The following ZFHX3 variants were observed in gnomAD, a reference collection of about 807,000 sequenced individuals.
ZFHX3 encodes zinc finger homeobox 3, also known as zinc finger homeobox protein 3.
A neutral mutation model predicts 279.1 loss-of-function variants in ZFHX3; 42 were observed. The observed-to-expected ratio is 0.15, with a 90% CI of 0.12 to 0.19. The LOEUF is 0.19. Ranked by LOEUF, ZFHX3 falls within the 10% of genes least tolerant of loss-of-function variation. The pLI, the probability that ZFHX3 is intolerant of heterozygous loss-of-function variation, is 1.00. For missense variants in ZFHX3, 4,981 were observed against 4,754.0 expected (o/e 1.05, Z -1.40); for synonymous variants, 2,293 against 1,957.8 (o/e 1.17, Z -4.52).
chr16:73,662,462 GAAAA>G, intron 2 of ZFHX3, among the ~76,000 whole-genome samples: 1 of 144,614 alleles, frequency 6.9e-6, no homozygotes, highest in Non-Finnish European at 1.5e-5. Context: ...TGGGATGTCA[GAAAA>G]CACTTTCGAT....
At chr16:73,481,863 C>T (rs567295572) in intron 2 of ZFHX3, among the ~76,000 whole-genome samples, 155 of 152,192 alleles carry the variant, frequency 1.0e-3, no homozygotes, top group African/African-American at 3.6e-3. Flanking sequence ...CCCATATCTG[C>T]CCAGCCCAGA....
At chr16:73,193,615 T>C (rs2144891220) in intron 5 of ZFHX3, among the ~76,000 whole-genome samples, 1 of 152,258 alleles carries the variant, frequency 6.6e-6, no homozygotes, top group East Asian at 1.9e-4. Flanking sequence ...AGACCCTCAG[T>C]TCTGGTTTGT....
At position 73,033,757 on chromosome 16, in the gene ZFHX3, C is replaced by G. The variant is rs541630126; in HGVS notation, c.-50+13995G>C. On this transcript the variant is annotated intron_variant, in intron 1 of 9. Coordinates refer to ENST00000268489, the MANE Select transcript of ZFHX3 (RefSeq NM_006885.4). ...CACCCGCTTCTCAGCTTACCAGGGG[C>G]ACAAATCCCACTGGCATCCTAGAGG... Among the ~76,000 whole-genome samples the G allele has an allele frequency of 3.3e-5, 5 of 152,276 alleles. No homozygotes were observed. In the East Asian group the frequency reaches 9.7e-4, roughly 29 times the overall value.
chr16:72,965,938 G>A (rs1304060919), intron 1 of ZFHX3, among the ~76,000 whole-genome samples: 3 of 152,176 alleles, frequency 2.0e-5, no homozygotes, highest in Non-Finnish European at 4.4e-5. Context: ...TAGACTTAAT[G>A]ATCTGAGAAA....
intron 1 of ZFHX3, among the ~76,000 whole-genome samples, chr16:73,792,793 T>C (rs1008322524): frequency 1.3e-5 from 2 of 152,042 alleles, no homozygotes; most frequent in Non-Finnish European, 2.9e-5. Context: ...AAGGCAGCCT[T>C]CTGTAGTAGC....
At chr16:72,886,769 G>T (rs2038633361) in intron 4 of ZFHX3, among the ~76,000 whole-genome samples, 1 of 152,192 alleles carries the variant, frequency 6.6e-6, no homozygotes, top group African/African-American at 2.4e-5. Context: ...ATGCAGAGCA[G>T]CGGATCAAAC....
chr16:73,508,659 A>G (rs766643051), intron 2 of ZFHX3, among the ~76,000 whole-genome samples: 3 of 152,228 alleles, frequency 2.0e-5, no homozygotes, highest in Non-Finnish European at 4.4e-5. Context: ...CCAACAAGCC[A>G]TCATCAAAAA....
intron 5 of ZFHX3, among the ~76,000 whole-genome samples, chr16:73,202,814 A>G (rs1363238132): frequency 6.7e-6 from 1 of 150,366 alleles, no homozygotes; most frequent in Admixed American, 6.6e-5. Flanking sequence ...CAAAGTCATG[A>G]CCATCCCACC....
At position 72,838,003 on chromosome 16, in the gene ZFHX3, C is replaced by T. The variant is rs376300627; in HGVS notation, c.3449-8144G>A. 3.9e-4 allele frequency among the ~76,000 whole-genome samples: 60 copies of T among 152,222 alleles called. 2 individuals carry two copies. The highest frequency in any genetic ancestry group is 2.2e-3 in the Admixed American group (34 of 15,288). ...TTACCAAATACACCTGGGGCCACAG[C>T]GCCTGGAGTTTCTGGACAGCTTGAA... On this transcript the variant is annotated intron_variant, in intron 4 of 9. Transcript: ENST00000268489.
chr16:72,815,263 C>G (rs2036572773), intron 5 of ZFHX3, among the ~76,000 whole-genome samples: 2 of 152,164 alleles, frequency 1.3e-5, no homozygotes, highest in South Asian at 4.2e-4. Context: ...CAAAAATTAG[C>G]CAGGCGTGGT....
intron 4 of ZFHX3, among the ~76,000 whole-genome samples, chr16:73,281,551 G>A (rs1243615604): frequency 6.6e-6 from 1 of 152,176 alleles, no homozygotes; most frequent in African/African-American, 2.4e-5. Flanking sequence ...TACTGTGCCT[G>A]TGCCTATAGC....
At chr16:73,230,834 T>C (rs2012749490) in intron 5 of ZFHX3, among the ~76,000 whole-genome samples, 1 of 152,130 alleles carries the variant, frequency 6.6e-6, no homozygotes, top group Admixed American at 6.5e-5. Flanking sequence ...AAAAAATCAG[T>C]GTTCCTGCTG....
intron 5 of ZFHX3, among the ~76,000 whole-genome samples, chr16:73,191,478 A>G (rs1209348771): frequency 6.6e-6 from 1 of 152,192 alleles, no homozygotes; most frequent in Non-Finnish European, 1.5e-5. Context: ...ACCCAACAAC[A>G]GAAAAACCCT....
intron 5 of ZFHX3, among the ~76,000 whole-genome samples, chr16:72,815,056 T>C (rs750547774): frequency 2.0e-4 from 31 of 152,112 alleles, no homozygotes; most frequent in Non-Finnish European, 4.1e-4. Flanking sequence ...AAAATGTCAG[T>C]CCCTATCAAG....
chr16:72,892,745 C>T (rs532711110), intron 3 of ZFHX3, among the ~76,000 whole-genome samples: 5 of 152,198 alleles, frequency 3.3e-5, no homozygotes, highest in South Asian at 2.1e-4. Context: ...TGACTTCAAG[C>T]GATCCACCCG....
At chr16:73,338,259 T>C (rs927981424) in intron 3 of ZFHX3, among the ~76,000 whole-genome samples, 10 of 152,048 alleles carry the variant, frequency 6.6e-5, no homozygotes, top group Non-Finnish European at 1.3e-4. Flanking sequence ...TAAGGAGTCT[T>C]GTCACCCACT....
chr16:73,890,446 A>G (rs1398951761), intron 1 of ZFHX3, among the ~76,000 whole-genome samples: 1 of 152,202 alleles, frequency 6.6e-6, no homozygotes, highest in East Asian at 1.9e-4. Context: ...TTTTGTTATT[A>G]AAGGGAGATA....
At chr16:73,852,867 C>T (rs1434540134) in intron 1 of ZFHX3, among the ~76,000 whole-genome samples, 1 of 152,124 alleles carries the variant, frequency 6.6e-6, no homozygotes, top group African/African-American at 2.4e-5. Context: ...AATAACAGAG[C>T]AAACAGACAA....
intron 8 of ZFHX3, 85 bp from the exon 9 acceptor site, chr16:72,798,799 G>A (rs544478773): frequency 9.5e-6 from 14 of 1,474,946 alleles, no homozygotes; most frequent in African/African-American, 2.8e-5. Context: ...TACCTAGTCA[G>A]GCCTCATGAA....
Sources: allele counts gnomAD v4.1 joint callset (sites outside exome capture counted in the v4.1 genomes callset), GRCh38; gene constraint gnomAD v4.1.1; transcripts MANE v1.5; gene names NCBI Gene and HGNC (gene_info 2026-07-23, HGNC 2026-07-21).